The following MSI2 variants were observed in gnomAD, a reference collection of about 807,000 sequenced individuals.
The protein encoded by MSI2 is musashi RNA binding protein 2, also known as RNA-binding protein Musashi homolog 2.
Under a neutral mutation model 45.6 loss-of-function variants are expected in MSI2, and 17 were observed. The ratio of observed to expected loss-of-function variants is 0.37; its 90% confidence interval spans 0.26 to 0.56. The LOEUF (loss-of-function observed/expected upper bound fraction) is 0.56. Ranked by LOEUF, MSI2 falls within the 20% of genes least tolerant of loss-of-function variation. MSI2 has a pLI of 0.77. For missense variants in MSI2, 293 were observed against 444.2 expected (o/e 0.66, Z 3.06); for synonymous variants, 156 against 158.2 (o/e 0.99, Z 0.11).
downstream of MSI2, among the ~76,000 whole-genome samples, chr17:57,685,998 A>T (rs1181289750): frequency 6.6e-6 from 1 of 152,232 alleles, no homozygotes; most frequent in African/African-American, 2.4e-5. Flanking sequence ...AGTGGATCAT[A>T]CACATGCCCT....
chr17:57,528,108 C>T (rs1057459330), intron 6 of MSI2, among the ~76,000 whole-genome samples: 2 of 150,888 alleles, frequency 1.3e-5, no homozygotes, highest in African/African-American at 4.9e-5. Flanking sequence ...ACCCCCCCTA[C>T]AGCCACACGG....
rs1175926030 is a variant in MSI2 at position 57,675,087 on chromosome 17, C to A, written c.906C>A (p.Ala302=). 2 of 1,613,980 alleles carry A rather than the reference C, an allele frequency of 1.2e-6. No homozygotes were observed. The highest frequency in any genetic ancestry group is 1.7e-6 in the Non-Finnish European group (2 of 1,179,988). The change falls in exon 12 of 14, where the codon GCC becomes GCA. Residue 302 remains alanine, a synonymous_variant. Transcript: ENST00000284073. ...DSGVGNYISA[A]SPQPGSGFGH... Reference sequence around the variant, plus strand: ...GAGTGGGGAATTACATAAGTGCGGCCAGCCCACAGCCGGGCTCGGGCTTCG... The same window carrying A: ...GAGTGGGGAATTACATAAGTGCGGCAAGCCCACAGCCGGGCTCGGGCTTCG...
At chr17:57,373,977 G>C (rs1372771025) in intron 5 of MSI2, among the ~76,000 whole-genome samples, 1 of 152,204 alleles carries the variant, frequency 6.6e-6, no homozygotes, top group Non-Finnish European at 1.5e-5. Flanking sequence ...ATGGCGAGGA[G>C]GTTGGACTGG....
At chr17:57,502,600 G>GAGATAGAT (rs1330824331) in intron 6 of MSI2, among the ~76,000 whole-genome samples, 14 of 34,002 alleles carry the variant, frequency 4.1e-4, no homozygotes, top group African/African-American at 1.5e-3. Flanking sequence ...AGATGACTCT[G>GAGATAGAT]AGATATATAT....
chr17:57,659,075 GGTTGGTTT>G (rs1372548082), intron 11 of MSI2, among the ~76,000 whole-genome samples: 1 of 151,742 alleles, frequency 6.6e-6, no homozygotes, highest in African/African-American at 2.4e-5. Flanking sequence ...TTGGTTGGTT[GGTTGGTTT>G]GTTGTTGTTG....
the MSI2 span, among the ~76,000 whole-genome samples, chr17:57,696,996 G>A: frequency 6.6e-6 from 1 of 152,090 alleles, no homozygotes; most frequent in Non-Finnish European, 1.5e-5. Context: ...CATGGGACCA[G>A]AGCTATCTCT....
At chr17:57,384,375 C>T (rs1473150831) in intron 5 of MSI2, among the ~76,000 whole-genome samples, 1 of 152,102 alleles carries the variant, frequency 6.6e-6, no homozygotes, top group East Asian at 1.9e-4. Flanking sequence ...AATGGAGCTC[C>T]TACATGTGGT....
intron 5 of MSI2, among the ~76,000 whole-genome samples, chr17:57,315,908 C>T (rs746487594): frequency 7.9e-5 from 12 of 152,008 alleles, no homozygotes; most frequent in East Asian, 3.9e-4. Context: ...CTTGCTGTGG[C>T]GGAGGGTGTA....
At chr17:57,421,317 G>A (rs76302040) in intron 6 of MSI2, among the ~76,000 whole-genome samples, 8,953 of 152,242 alleles carry the variant, frequency 0.059, 405 homozygotes, top group South Asian at 0.15. Flanking sequence ...TTACTTTGAC[G>A]GAGTATCTCC....
intron 5 of MSI2, chr17:57,279,647 T>G (rs1347319799): frequency 6.6e-6 from 1 of 151,766 alleles, no homozygotes; most frequent in African/African-American, 2.4e-5. Flanking sequence ...TTTTCTTTCT[T>G]TTTTCTTTTT....
At chr17:57,618,668 C>T (rs9895688) in intron 9 of MSI2, among the ~76,000 whole-genome samples, 39,549 of 151,936 alleles carry the variant, frequency 0.26, 5,137 homozygotes, top group Middle Eastern at 0.33. Flanking sequence ...CTCAGCCTCC[C>T]GAGTAGCTGG....
intron 6 of MSI2, among the ~76,000 whole-genome samples, chr17:57,503,917 G>A (rs2086170579): frequency 6.6e-6 from 1 of 152,112 alleles, no homozygotes; most frequent in Non-Finnish European, 1.5e-5. Context: ...GCTAATTTTT[G>A]TATTTTAAGT....
intron 8 of MSI2, among the ~76,000 whole-genome samples, chr17:57,612,782 C>A (rs2144546239): frequency 6.6e-6 from 1 of 152,308 alleles, no homozygotes. Context: ...ATCGGGTTGC[C>A]TAGGAACAGG....
At chr17:57,493,848 C>T (rs780947222) in intron 6 of MSI2, among the ~76,000 whole-genome samples, 1 of 152,102 alleles carries the variant, frequency 6.6e-6, no homozygotes, top group Non-Finnish European at 1.5e-5. Context: ...AAGTACCTCT[C>T]CCACCATCAC....
intron 10 of MSI2, among the ~76,000 whole-genome samples, chr17:57,645,703 A>G (rs143421981): frequency 0.016 from 2,449 of 152,036 alleles, 29 homozygotes; most frequent in Non-Finnish European, 0.024. Flanking sequence ...CAGTCTCCCA[A>G]AGGCATGAGA....
intron 6 of MSI2, among the ~76,000 whole-genome samples, chr17:57,475,455 G>T (rs556124761): frequency 6.6e-6 from 1 of 152,270 alleles, no homozygotes; most frequent in South Asian, 2.1e-4. Context: ...CTGATAGGTA[G>T]TGTACTGTCC....
chr17:57,627,617 G>C lies in MSI2; in HGVS notation c.727+314G>C. ...CCTCTTCCGGGTTTTTTCTCACTGG[G>C]GACTGAACTCTAGGCCCAGGGCTTT... On this transcript the variant is annotated intron_variant, in intron 10 of 13. Transcript: ENST00000284073. The surrounding 1 kb of genome is among the most constrained non-coding windows in gnomAD (Gnocchi z 4.6). 2.4e-6 allele frequency: 1 copy of C among 419,170 alleles called. No homozygotes were observed. Among genetic ancestry groups the C allele is most frequent in the Non-Finnish European group, 4.3e-6 (1 of 231,522 alleles). 26.0% of individuals were successfully genotyped at this position (419,170 alleles called of 1,614,324 possible).
intron 7 of MSI2, among the ~76,000 whole-genome samples, chr17:57,558,484 C>T (rs951325298): frequency 1.3e-5 from 2 of 152,166 alleles, no homozygotes; most frequent in Admixed American, 6.5e-5. Flanking sequence ...TGACACCCAG[C>T]GTGTTGCCTA....
In MSI2 at chr17:57,652,216, G is replaced by A. The variant is rs369493369; in HGVS notation, c.790+55G>A. On this transcript the variant is annotated intron_variant, in intron 11 of 13. Transcript: ENST00000284073. The surrounding 1 kb of genome is among the most constrained non-coding windows in gnomAD (Gnocchi z 4.1). Reference sequence around the variant, plus strand: ...CAGGCATGCCCCCAGTGTGCAGGGGGAGGTCAAGGCCCTGTCGGATCTGTG... The same window carrying A: ...CAGGCATGCCCCCAGTGTGCAGGGGAAGGTCAAGGCCCTGTCGGATCTGTG... 93 of 1,526,264 alleles carry A rather than the reference G, an allele frequency of 6.1e-5. No individual in the cohort carries two copies. Among genetic ancestry groups the A allele is most frequent in the Non-Finnish European group, 7.4e-5 (82 of 1,101,230 alleles). 94.5% of individuals were successfully genotyped at this position (1,526,264 alleles called of 1,614,324 possible).
Sources: allele counts gnomAD v4.1 joint callset (sites outside exome capture counted in the v4.1 genomes callset), GRCh38; gene constraint gnomAD v4.1.1; non-coding constraint Gnocchi (gnomAD v3.1); transcripts MANE v1.5; gene names NCBI Gene and HGNC (gene_info 2026-07-23, HGNC 2026-07-21).